Variants in HTRA2 observed in about 807,000 individuals in gnomAD.
HTRA2 encodes HtrA serine peptidase 2.
Under a neutral mutation model 42.2 loss-of-function variants are expected in HTRA2, and 24 were observed. The ratio of observed to expected loss-of-function variants is 0.57; its 90% CI spans 0.41 to 0.80. The LOEUF (loss-of-function observed/expected upper bound fraction) is 0.80, where lower values mean the gene tolerates loss of function less well. HTRA2 is among the 30% of genes least tolerant of loss of function. HTRA2 has a pLI of 0.00. For missense variants in HTRA2, 466 were observed against 613.5 expected (o/e 0.76, Z 2.54); for synonymous variants, 245 against 255.8 (o/e 0.96, Z 0.40).
chr2:74,532,311 T>A (rs1675668784), intron 6 of HTRA2: 2 of 481,502 alleles, frequency 4.2e-6, no homozygotes, highest in Non-Finnish European at 3.8e-6. Flanking sequence ...ATGGTTAATA[T>A]CAGATCCATC....
At chr2:74,529,872 C>T, upstream of HTRA2, 3 of 1,427,080 alleles carry the variant, frequency 2.1e-6, no homozygotes, top group Non-Finnish European at 9.2e-7. Flanking sequence ...AGTCGGCCTC[C>T]CGGAATCCTG....
upstream of HTRA2, chr2:74,529,609 C>G: frequency 6.4e-7 from 1 of 1,568,672 alleles, no homozygotes; most frequent in Non-Finnish European, 8.6e-7. Context: ...GCTCCGGCCC[C>G]GGCCCTGAGG....
rs746665790 is a variant in HTRA2 at position 74,532,902 on chromosome 2, C to T, written c.1294C>T (p.Arg432Ter). Reference protein sequence around the residue: ...QNAEDVYEAVRTQSQLAVQIR... With the variant: ...QNAEDVYEAV ...TGCTGAAGATGTTTATGAAGCTGTT[C>T]GAACCCAATCCCAGTTGGCAGTGCA... The change falls in exon 8 of 8, where the codon CGA (arginine) becomes TGA (stop). Residue 432 changes from arginine (R) to a stop codon, truncating the protein, a stop_gained. Coordinates refer to ENST00000258080, the MANE Select transcript of HTRA2 (RefSeq NM_013247.5). LOFTEE classifies it high-confidence loss of function. 7.4e-6 allele frequency: 12 copies of T among 1,613,902 alleles called. No homozygotes were observed. The highest frequency in any genetic ancestry group is 1.3e-5 in the African/African-American group (1 of 74,874).
At chr2:74,529,742 C>G (rs1379922197), upstream of HTRA2, 2 of 1,513,266 alleles carry the variant, frequency 1.3e-6, no homozygotes, top group Admixed American at 2.1e-5. Context: ...TGAGGGGACC[C>G]GAAGTCCTGA....
Position 74,533,094 on chromosome 2 carries a change from C to A in HTRA2, c.*109C>A. The A allele has an allele frequency of 1.2e-5, 12 of 988,884 alleles. No individual in the cohort carries two copies. The highest frequency in any genetic ancestry group is 1.6e-5 in the Non-Finnish European group (10 of 633,222). The allele number at this position is 988,884 out of a possible 1,614,324, so 61.3% of individuals were successfully genotyped here. Reference sequence around the variant, plus strand: ...GTTAAATGAACCAGTGGGGGCAGGTCCCTCCAACCACCAGCACTGACTCCT... The same window carrying A: ...GTTAAATGAACCAGTGGGGGCAGGTACCTCCAACCACCAGCACTGACTCCT... On this transcript the variant is annotated 3_prime_UTR_variant, in exon 8 of 8. Coordinates refer to ENST00000258080, the MANE Select transcript of HTRA2 (RefSeq NM_013247.5).
rs151291127 is a variant in HTRA2, at chr2:74,530,608, C to T, written c.507-9C>T. Reference sequence around the variant, plus strand: ...GCCTCCTCTTATCTGTGCTTTCCCTCCATTTCAGGCACCCTTTCTTGGGCC... The same window carrying T: ...GCCTCCTCTTATCTGTGCTTTCCCTTCATTTCAGGCACCCTTTCTTGGGCC... On this transcript the variant is annotated splice_polypyrimidine_tract_variant and intron_variant, in intron 1 of 7. Transcript: ENST00000258080. This position sits in a 1 kb window ranked among gnomAD's most constrained non-coding sequence, Gnocchi z 7.4. The T allele has an allele frequency of 3.4e-4, 549 of 1,614,038 alleles. 1 individual carries two copies. In the African/African-American group the frequency reaches 6.6e-3, roughly 19 times the overall value.
rs1483270943 is a variant in HTRA2 at position 74,529,957 on chromosome 2, G to A, written c.-50G>A. 3 of 1,499,824 alleles carry A rather than the reference G, an allele frequency of 2.0e-6. No homozygotes were observed. Among genetic ancestry groups the A allele is most frequent in the East Asian group, 4.6e-5 (2 of 43,452 alleles). The allele number at this position is 1,499,824 out of a possible 1,614,324, so 92.9% of individuals were successfully genotyped here. A position where few individuals can be genotyped will look rare whatever the true frequency, so the allele number is the denominator to read the frequency against. On this transcript the variant is annotated 5_prime_UTR_variant, in exon 1 of 8. Transcript: ENST00000258080. ...CCTACTGTCCGCCTGCTCGCGTCCTGGGTGCCGCCTCTGAGTAGGGCGGGC... is the reference window on the plus strand; with the variant it reads ...CCTACTGTCCGCCTGCTCGCGTCCTAGGTGCCGCCTCTGAGTAGGGCGGGC...
chr2:74,529,977 G>T lies in HTRA2; in HGVS notation c.-30G>T. 6.6e-7 allele frequency: 1 copy of T among 1,512,448 alleles called. No individual in the cohort carries two copies. The allele number at this position is 1,512,448 out of a possible 1,614,324, so 93.7% of individuals were successfully genotyped here. ...GTCCTGGGTGCCGCCTCTGAGTAGG[G>T]CGGGCGAGGAGGCAGCCAAGGCGGA... On this transcript the variant is annotated 5_prime_UTR_variant, in exon 1 of 8. Coordinates refer to ENST00000258080, the MANE Select transcript of HTRA2 (RefSeq NM_013247.5).
At position 74,530,172 on chromosome 2, in the gene HTRA2, A is replaced by C. The variant is rs1675479438; in HGVS notation, c.166A>C (p.Ser56Arg). The C allele has an allele frequency of 2.5e-6, 4 of 1,612,148 alleles. No homozygotes were observed. In the South Asian group the frequency reaches 3.3e-5, roughly 13 times the overall value. Residue 56 changes from serine to arginine, a missense_variant, in exon 1 of 8, where the codon AGT becomes CGT. Around this residue, in one of 3 missense-constraint regions of HTRA2, gnomAD observed 222 missense variants for 205.1 expected, o/e 1.08. Transcript: ENST00000258080. The surrounding 1 kb of genome is among the most constrained non-coding windows in gnomAD (Gnocchi z 7.4). ...PRARVTYGTPSLWARLSVGVT... is the reference protein window; with the variant it reads ...PRARVTYGTPRLWARLSVGVT... Reference sequence around the variant, plus strand: ...GGCCCGAGTGACTTATGGGACCCCCAGTCTCTGGGCCCGGTTGTCTGTTGG... The same window carrying C: ...GGCCCGAGTGACTTATGGGACCCCCCGTCTCTGGGCCCGGTTGTCTGTTGG...
chr2:74,530,913 G>A lies in HTRA2; in HGVS notation c.714G>A (p.Glu238=). The change falls in exon 3 of 8, where the codon GAG becomes GAA. Residue 238 remains glutamate, a splice_region_variant and synonymous_variant. Transcript: ENST00000258080. The surrounding 1 kb of genome is among the most constrained non-coding windows in gnomAD (Gnocchi z 7.4). ...DIATLRIQTK[E]PLPTLPLGRS... is the part of the protein sequence containing the mutation. Reference sequence around the variant, plus strand: ...CTCTTTTACCCATTCTCCCTTAGGAGCCTCTCCCCACGCTGCCTCTGGGAC... The same window carrying A: ...CTCTTTTACCCATTCTCCCTTAGGAACCTCTCCCCACGCTGCCTCTGGGAC... 6.2e-7 allele frequency: 1 copy of A among 1,614,166 alleles called. No homozygotes were observed. The highest frequency in any genetic ancestry group is 8.5e-7 in the Non-Finnish European group (1 of 1,180,038).
chr2:74,532,837 G>T lies in HTRA2; in HGVS notation c.1229G>T (p.Gly410Val). 1 of 1,614,110 alleles carries T rather than the reference G, an allele frequency of 6.2e-7. No individual in the cohort carries two copies. Among genetic ancestry groups the T allele is most frequent in the Non-Finnish European group, 8.5e-7 (1 of 1,180,026 alleles). The change falls in exon 8 of 8, where the codon GGT becomes GTT. Residue 410 changes from glycine (G) to valine (V), a missense_variant. Physicochemically the swap from Gly to Val is moderately radical, Grantham distance 109. This residue lies in a region of HTRA2 where 129 missense variants were observed against 163.1 expected (regional missense o/e 0.79). Transcript: ENST00000258080. ...CTCTATAGGGCTGGTCTGCGGCCTGGTGATGTGATTTTGGCCATTGGGGAG... is the reference window on the plus strand; with the variant it reads ...CTCTATAGGGCTGGTCTGCGGCCTGTTGATGTGATTTTGGCCATTGGGGAG... ...SPAHRAGLRP[G>V]DVILAIGEQM... is the part of the protein sequence containing the mutation.
downstream of HTRA2, chr2:74,533,490 G>T: frequency 1.2e-6 from 1 of 837,958 alleles, no homozygotes. Context: ...CATCCATAGT[G>T]CATGGTCTGA....
chr2:74,529,605 G>A (rs777371915), upstream of HTRA2: 39 of 1,569,180 alleles, frequency 2.5e-5, no homozygotes, highest in African/African-American at 1.4e-5. Context: ...AGCCGCTCCG[G>A]CCCCGGCCCT....
chr2:74,530,484 G>A lies in HTRA2; in HGVS notation c.478G>A (p.Ala160Thr). 1.2e-6 allele frequency: 2 copies of A among 1,609,558 alleles called. No homozygotes were observed. The highest frequency in any genetic ancestry group is 8.5e-7 in the Non-Finnish European group (1 of 1,179,998). The change falls in exon 1 of 8, where the codon GCC becomes ACC. Residue 160 changes from alanine (A) to threonine (T), a missense_variant. Physicochemically the swap from Ala to Thr is moderately conservative, Grantham distance 58 (BLOSUM62 0). Around this residue, in one of 3 missense-constraint regions of HTRA2, gnomAD observed 115 missense variants for 245.4 expected, o/e 0.47. Coordinates refer to ENST00000258080, the MANE Select transcript of HTRA2 (RefSeq NM_013247.5). This position sits in a 1 kb window ranked among gnomAD's most constrained non-coding sequence, Gnocchi z 7.4. ...AGATGTGGTGGAGAAGACAGCACCT[G>A]CCGTGGTCTATATCGAGATCCTGGA... ...IADVVEKTAP[A>T]VVYIEILDRH...
rs1407675367 is a variant in HTRA2 at position 74,532,641 on chromosome 2, C to A, written c.1138C>A (p.Arg380=). The A allele has an allele frequency of 6.2e-7, 1 of 1,613,442 alleles. No individual in the cohort carries two copies. The highest frequency in any genetic ancestry group is 8.5e-7 in the Non-Finnish European group (1 of 1,180,006). The change falls in exon 7 of 8, where the codon CGA becomes AGA. Residue 380 remains arginine (R), a synonymous_variant. Coordinates refer to ENST00000258080, the MANE Select transcript of HTRA2 (RefSeq NM_013247.5). ...SPSILAELQL[R]EPSFPDVQHG... The stretch of plus-strand genomic sequence containing the variant: ...CAGCATCCTTGCTGAACTACAGCTT[C>A]GAGAACCAAGCTTTCCCGATGTTCA...
At position 74,530,289 on chromosome 2, in the gene HTRA2, G is replaced by A. The variant is rs779206600; in HGVS notation, c.283G>A (p.Ala95Thr). ...AVTPDTRTRE[A>T]SENSGTRSRA... Reference sequence around the variant, plus strand: ...GACCCCAGATACCAGGACCCGGGAGGCCTCAGAGAACTCTGGAACCCGTTC... The same window carrying A: ...GACCCCAGATACCAGGACCCGGGAGACCTCAGAGAACTCTGGAACCCGTTC... Residue 95 changes from alanine to threonine, a missense_variant, in exon 1 of 8, where the codon GCC becomes ACC. Around this residue, in one of 3 missense-constraint regions of HTRA2, gnomAD observed 222 missense variants for 205.1 expected, o/e 1.08. Transcript: ENST00000258080. The surrounding 1 kb of genome is among the most constrained non-coding windows in gnomAD (Gnocchi z 7.4). 2.5e-6 allele frequency: 4 copies of A among 1,603,478 alleles called. No individual in the cohort carries two copies. The highest frequency in any genetic ancestry group is 2.2e-5 in the South Asian group (2 of 90,368).
chr2:74,532,571 G>A, intron 6 of HTRA2, 48 bp from the exon 7 acceptor site: 1 of 1,447,024 alleles, frequency 6.9e-7, no homozygotes, highest in Non-Finnish European at 9.7e-7. Flanking sequence ...AACTCAGGAT[G>A]GGGAGAATGC....
At position 74,530,522 on chromosome 2, in the gene HTRA2, G is replaced by C. The variant is rs377514819; in HGVS notation, c.506+10G>C. ...TCGAGATCCTGGACCGGTAATGGTG[G>C]GGGTAGACCGGGAGGCACTGAAGCC... On this transcript the variant is annotated intron_variant, in intron 1 of 7. Coordinates refer to ENST00000258080, the MANE Select transcript of HTRA2 (RefSeq NM_013247.5). The surrounding 1 kb of genome is among the most constrained non-coding windows in gnomAD (Gnocchi z 7.4). 2 of 1,612,964 alleles carry C rather than the reference G, an allele frequency of 1.2e-6. No homozygotes were observed. Among genetic ancestry groups the C allele is most frequent in the Non-Finnish European group, 1.7e-6 (2 of 1,180,038 alleles).
intron 6 of HTRA2, chr2:74,532,383 T>G (rs1196655497): frequency 5.4e-6 from 3 of 555,466 alleles, no homozygotes; most frequent in African/African-American, 1.9e-5. Flanking sequence ...AGAATGACAT[T>G]AGTGCTATTG....
Sources: allele counts gnomAD v4.1 joint callset, GRCh38; gene constraint gnomAD v4.1.1; regional missense constraint gnomAD v4.1.1; non-coding constraint Gnocchi (gnomAD v3.1); transcripts MANE v1.5; gene names NCBI Gene and HGNC (gene_info 2026-07-23, HGNC 2026-07-21).